Variants in EPB41L3 observed in about 807,000 individuals in gnomAD.
EPB41L3 encodes erythrocyte membrane protein band 4.1 like 3.
Under a neutral mutation model 127.1 loss-of-function variants are expected in EPB41L3, and 57 were observed. The ratio of observed to expected loss-of-function variants is 0.45; its 90% CI spans 0.36 to 0.56. The LOEUF is 0.56. Among genes scored for constraint, EPB41L3 ranks in the 20% least tolerant of loss-of-function variants. The pLI is 0.00. For synonymous variants in EPB41L3, 572 were observed against 549.5 expected, an observed-to-expected ratio of 1.04 and a Z score of -0.57; for missense variants, 1,273 against 1,372.2, an observed-to-expected ratio of 0.93 and a Z score of 1.14.
chr18:5,457,308 A>G (rs1400633887), intron 3 of EPB41L3, among the ~76,000 whole-genome samples: 2 of 151,906 alleles, frequency 1.3e-5, no homozygotes, highest in Non-Finnish European at 2.9e-5. Context: ...TCTTTCCTGG[A>G]GCTTATCTGC....
At chr18:5,509,863 T>A (rs1281315772) in intron 1 of EPB41L3, among the ~76,000 whole-genome samples, 7 of 152,174 alleles carry the variant, frequency 4.6e-5, no homozygotes, top group Non-Finnish European at 1.5e-5. Flanking sequence ...ACTGAACAAG[T>A]TACACATGAC....
intron 1 of EPB41L3, among the ~76,000 whole-genome samples, chr18:5,492,794 G>A (rs2090748559): frequency 6.6e-6 from 1 of 152,156 alleles, no homozygotes; most frequent in Admixed American, 6.5e-5. Flanking sequence ...AAAAGTTGGG[G>A]TAAGGACATT....
At chr18:5,544,480 T>C (rs1036722664), upstream of EPB41L3, among the ~76,000 whole-genome samples, 1 of 152,000 alleles carries the variant, frequency 6.6e-6, no homozygotes, top group Non-Finnish European at 1.5e-5. Context: ...ATAGAGAAGA[T>C]CTGAATTAAT....
intron 1 of EPB41L3, among the ~76,000 whole-genome samples, chr18:5,505,675 A>C (rs1483531206): frequency 6.5e-4 from 39 of 60,336 alleles, no homozygotes; most frequent in Admixed American, 1.4e-3. Context: ...CTCCACCCCT[A>C]CTCTCCACTC....
chr18:5,433,580 C>T (rs774562550), intron 7 of EPB41L3, 24 bp from the exon 8 acceptor site: 5 of 1,587,784 alleles, frequency 3.1e-6, no homozygotes, highest in Non-Finnish European at 4.3e-6. Context: ...AAATATGTTA[C>T]AATGATGCTT....
At chr18:5,568,642 GA>G (rs1280141263) in intron 3 of EPB41L3, among the ~76,000 whole-genome samples, 1 of 152,150 alleles carries the variant, frequency 6.6e-6, no homozygotes, top group Non-Finnish European at 1.5e-5. Flanking sequence ...AGAAACTAAG[GA>G]AGTTCCAGTA....
intron 1 of EPB41L3, among the ~76,000 whole-genome samples, chr18:5,503,445 T>C (rs952150555): frequency 5.3e-5 from 8 of 152,194 alleles, no homozygotes; most frequent in African/African-American, 1.9e-4. Context: ...GGGTTCCACG[T>C]CCACCAATTC....
At chr18:5,461,324 C>G (rs1220791733) in intron 3 of EPB41L3, among the ~76,000 whole-genome samples, 2 of 152,092 alleles carry the variant, frequency 1.3e-5, no homozygotes, top group African/African-American at 2.4e-5. Context: ...TAACAAGAAC[C>G]AATTCCTTAT....
At chr18:5,408,212 T>C (rs969533496) in intron 14 of EPB41L3, among the ~76,000 whole-genome samples, 1 of 152,142 alleles carries the variant, frequency 6.6e-6, no homozygotes, top group Non-Finnish European at 1.5e-5. Context: ...ATATGAAGAA[T>C]TTTACACAGA....
intron 3 of EPB41L3, chr18:5,577,318 C>T (rs375572630): frequency 3.8e-5 from 17 of 451,098 alleles, no homozygotes; most frequent in African/African-American, 1.0e-4. Context: ...GTTAGCAATC[C>T]GAAAATTTTA....
upstream of EPB41L3, among the ~76,000 whole-genome samples, chr18:5,544,476 A>C (rs2093842534): frequency 6.6e-6 from 1 of 152,082 alleles, no homozygotes; most frequent in South Asian, 2.1e-4. Context: ...GTTAATAGAG[A>C]AGATCTGAAT....
chr18:5,436,144 T>C (rs187305265), intron 6 of EPB41L3, among the ~76,000 whole-genome samples: 30 of 152,292 alleles, frequency 2.0e-4, no homozygotes, highest in Admixed American at 7.2e-4. Flanking sequence ...TTAACATTGA[T>C]GAGTTTTAAT....
intron 1 of EPB41L3, among the ~76,000 whole-genome samples, chr18:5,623,838 G>A (rs34394097): frequency 0.079 from 11,976 of 151,686 alleles, 567 homozygotes; most frequent in South Asian, 0.22. Flanking sequence ...TAGTAGAGTC[G>A]GGGAGTCAGG....
chr18:5,448,543 T>C (rs575453890), intron 3 of EPB41L3, among the ~76,000 whole-genome samples: 108 of 152,294 alleles, frequency 7.1e-4, no homozygotes, highest in South Asian at 1.0e-3. Context: ...ATGTTGTTCT[T>C]TAAGTGATCA....
chr18:5,488,033 A>C (rs1478438595), intron 2 of EPB41L3, among the ~76,000 whole-genome samples: 1 of 152,172 alleles, frequency 6.6e-6, no homozygotes, highest in Non-Finnish European at 1.5e-5. Flanking sequence ...TTTTGATTCC[A>C]AGTTTGAAGT....
rs1567973186 is a variant in EPB41L3 at position 5,397,683 on chromosome 18, G to A, written c.2473-257C>T. ...AAACAAACGGAAGGCAGGATAAAGT[G>A]CAATTAACAAAACAAAAACCAAAGC... On this transcript the variant is annotated intron_variant, in intron 17 of 22. Coordinates refer to ENST00000341928, the MANE Select transcript of EPB41L3 (RefSeq NM_012307.5). The surrounding 1 kb of genome is among the most constrained non-coding windows in gnomAD (Gnocchi z 4.1). 6.6e-6 allele frequency among the ~76,000 whole-genome samples: 1 copy of A among 152,304 alleles called. No homozygotes were observed. The highest frequency in any genetic ancestry group is 1.9e-4 in the East Asian group (1 of 5,184).
chr18:5,582,202 C>G (rs574561275), intron 3 of EPB41L3, among the ~76,000 whole-genome samples: 25 of 148,140 alleles, frequency 1.7e-4, no homozygotes, highest in Middle Eastern at 6.8e-3. Context: ...AGTGGGGCTC[C>G]CTGGTCACTC....
In EPB41L3 at chr18:5,397,147, C is replaced by T; in HGVS notation, c.2752G>A (p.Glu918Lys). ...CGCTCACGGGAAGCAGCGGCTGTCT[C>T]TTCCTGTTCCAGGACAGCTTTAGCG... Reference protein sequence around the residue: ...EVAKAVLEQEETAAASRERQE... With the variant: ...EVAKAVLEQEKTAAASRERQE... Residue 918 changes from glutamate to lysine, a missense_variant, in exon 18 of 23, where the codon GAG becomes AAG. By Grantham distance (56) the Glu-to-Lys change is moderately conservative. This residue lies in a region of EPB41L3 where 765 missense variants were observed against 782.9 expected (regional missense o/e 0.98). Coordinates refer to ENST00000341928, the MANE Select transcript of EPB41L3 (RefSeq NM_012307.5). The surrounding 1 kb of genome is among the most constrained non-coding windows in gnomAD (Gnocchi z 4.1). 6.2e-7 allele frequency: 1 copy of T among 1,614,254 alleles called. No individual in the cohort carries two copies. Among genetic ancestry groups the T allele is most frequent in the Non-Finnish European group, 8.5e-7 (1 of 1,180,044 alleles).
intron 3 of EPB41L3, among the ~76,000 whole-genome samples, chr18:5,600,123 A>G (rs2094575378): frequency 1.3e-5 from 2 of 152,150 alleles, no homozygotes. Flanking sequence ...AAAATTATTA[A>G]ATAAAATCAT....
Sources: allele counts gnomAD v4.1 joint callset (sites outside exome capture counted in the v4.1 genomes callset), GRCh38; gene constraint gnomAD v4.1.1; regional missense constraint gnomAD v4.1.1; non-coding constraint Gnocchi (gnomAD v3.1); transcripts MANE v1.5; gene names NCBI Gene and HGNC (gene_info 2026-07-23, HGNC 2026-07-21).